Variants in MCM6 observed in about 807,000 individuals in gnomAD.
The protein encoded by MCM6 is DNA replication licensing factor MCM6.
In MCM6, 46 loss-of-function variants were observed where a neutral mutation model predicts 94.3. The ratio of observed to expected loss-of-function variants is 0.49; its 90% confidence interval spans 0.39 to 0.62. MCM6 has a LOEUF of 0.62. MCM6 is among the 20% of genes least tolerant of loss of function. The probability of loss-of-function intolerance (pLI) is 0.00; values close to 1 mark genes in which losing one functional copy is unlikely to be tolerated. For synonymous variants in MCM6, 335 were observed against 351.9 expected (o/e 0.95, Z 0.54); for missense variants, 865 against 1,017.9 (o/e 0.85, Z 2.04).
intron 2 of MCM6, 66 bp downstream of exon 2, chr2:135,872,631 C>T: frequency 6.6e-7 from 1 of 1,522,238 alleles, no homozygotes; most frequent in Non-Finnish European, 9.0e-7. Context: ...CACTTACAGT[C>T]CAAGAAGAGC....
chr2:135,862,050 T>G (rs1469482247), intron 8 of MCM6, among the ~76,000 whole-genome samples: 1 of 152,168 alleles, frequency 6.6e-6, no homozygotes, highest in African/African-American at 2.4e-5. Context: ...ATATCGGTAA[T>G]TATTATAATA....
In MCM6 at chr2:135,872,650, C is replaced by T. The variant is rs544690887; in HGVS notation, c.254+47G>A. 6.3e-5 allele frequency: 100 copies of T among 1,587,666 alleles called. No homozygotes were observed. The South Asian group carries it at 8.1e-4, about 13-fold the overall frequency. On this transcript the variant is annotated intron_variant, in intron 2 of 16. Coordinates refer to ENST00000264156, the MANE Select transcript of MCM6 (RefSeq NM_005915.6). ...TACAGTCCAAGAAGAGCTGGCTTCC[C>T]GGATTTCAACCCCTATTCAAAGTAA...
chr2:135,872,798 C>T lies in MCM6; in HGVS notation c.153G>A (p.Glu51=). 2 of 1,614,216 alleles carry T rather than the reference C, an allele frequency of 1.2e-6. No homozygotes were observed. Among genetic ancestry groups the T allele is most frequent in the South Asian group, 2.2e-5 (2 of 91,082 alleles). ...DGEIKYLQLA[E]ELIRPERNTL... ...TGTTTCTCTCAGGACGAATCAGTTC[C>T]TCTGCTAATTGCAAGTATTTAATTT... The change falls in exon 2 of 17, where the codon GAG becomes GAA. Residue 51 remains glutamate, a synonymous_variant. Transcript: ENST00000264156.
At chr2:135,870,788 C>G (rs890587179) in intron 2 of MCM6, among the ~76,000 whole-genome samples, 1 of 152,160 alleles carries the variant, frequency 6.6e-6, no homozygotes, top group Non-Finnish European at 1.5e-5. Flanking sequence ...ACTCTGTCAC[C>G]CAGACTGGAG....
intron 7 of MCM6, among the ~76,000 whole-genome samples, chr2:135,863,526 G>C (rs963121779): frequency 5.9e-5 from 9 of 151,990 alleles, no homozygotes; most frequent in Admixed American, 2.6e-4. Flanking sequence ...AGAGGTTTGA[G>C]ACCAGCCCAG....
At chr2:135,864,940 A>C in intron 7 of MCM6, 73 bp downstream of exon 7, 3 of 1,196,050 alleles carry the variant, frequency 2.5e-6, no homozygotes, top group Non-Finnish European at 2.2e-6. Flanking sequence ...ATGTGCTTTC[A>C]GAAATCACCT....
At chr2:135,874,625 C>T (rs997797159) in intron 1 of MCM6, among the ~76,000 whole-genome samples, 50 of 152,098 alleles carry the variant, frequency 3.3e-4, no homozygotes, top group Non-Finnish European at 4.1e-4. Context: ...GGTTGAGCAG[C>T]CCTCATCTGA....
chr2:135,855,427 AG>A (rs1357330973), intron 11 of MCM6, among the ~76,000 whole-genome samples: 1 of 152,204 alleles, frequency 6.6e-6, no homozygotes, highest in Non-Finnish European at 1.5e-5. Context: ...GCTATTCAGG[AG>A]GCTGAGGTGG....
In MCM6 at chr2:135,856,888, C is replaced by T. The variant is rs1679901279; in HGVS notation, c.1471-5G>A. 1 of 1,605,996 alleles carries T rather than the reference C, an allele frequency of 6.2e-7. No homozygotes were observed. On this transcript the variant is annotated splice_region_variant and splice_polypyrimidine_tract_variant and intron_variant, in intron 10 of 16. Transcript: ENST00000264156. ...CGTCCGGGCGTTCAGAGTAGCCTGA[C>T]CACAAAAGAAAGAATCTTAACAGAT...
Position 135,876,393 on chromosome 2 carries a change from C to A in MCM6, c.-28G>T. On this transcript the variant is annotated 5_prime_UTR_variant, in exon 1 of 17. Transcript: ENST00000264156. ...TTGCTTAGTGCCGAGGATTCGCCTGCGCCACGCTCGACCGCCACAAGTCGC... is the reference window on the plus strand; with the variant it reads ...TTGCTTAGTGCCGAGGATTCGCCTGAGCCACGCTCGACCGCCACAAGTCGC... The A allele has an allele frequency of 6.5e-7, 1 of 1,549,970 alleles. No homozygotes were observed. The highest frequency in any genetic ancestry group is 8.7e-7 in the Non-Finnish European group (1 of 1,148,414).
At chr2:135,860,430 A>G (rs1177503014) in intron 8 of MCM6, among the ~76,000 whole-genome samples, 1 of 152,192 alleles carries the variant, frequency 6.6e-6, no homozygotes, top group African/African-American at 2.4e-5. Context: ...CACCGCGCCC[A>G]GCTAAAACAT....
At chr2:135,872,629 G>A in intron 2 of MCM6, 68 bp downstream of exon 2, 1 of 1,503,138 alleles carries the variant, frequency 6.7e-7, no homozygotes, top group Non-Finnish European at 9.2e-7. Context: ...AACACTTACA[G>A]TCCAAGAAGA....
At position 135,860,182 on chromosome 2, in the gene MCM6, G is replaced by A. The variant is rs552954574; in HGVS notation, c.1221-740C>T. Among the ~76,000 whole-genome samples the A allele has an allele frequency of 2.1e-3, 321 of 152,004 alleles. 1 individual carries two copies. Among genetic ancestry groups the A allele is most frequent in the African/African-American group, 7.1e-3 (296 of 41,440 alleles). On this transcript the variant is annotated intron_variant, in intron 8 of 16. Coordinates refer to ENST00000264156, the MANE Select transcript of MCM6 (RefSeq NM_005915.6). ...GAGTCTTGCTCTGTCACCCAGGCTG[G>A]AGTGCAGTGGCTTGATCTTGGCTCA...
At chr2:135,850,573 G>C (rs1273739427) in intron 13 of MCM6, among the ~76,000 whole-genome samples, 6 of 152,084 alleles carry the variant, frequency 3.9e-5, no homozygotes, top group Non-Finnish European at 8.8e-5. Context: ...CAATAGTAAA[G>C]TACCATATCA....
chr2:135,869,996 T>C (rs751771640), intron 3 of MCM6, among the ~76,000 whole-genome samples: 7 of 152,122 alleles, frequency 4.6e-5, no homozygotes, highest in Non-Finnish European at 1.0e-4. Flanking sequence ...TGTTTTATAA[T>C]TATTGTGATT....
In MCM6 at chr2:135,870,292, C is replaced by T. The variant is rs553009731; in HGVS notation, c.324G>A (p.Lys108=). The change falls in exon 3 of 17, where the codon AAG becomes AAA. Residue 108 remains lysine, a synonymous_variant. Transcript: ENST00000264156. ...VKDRKEIPLA[K]DFYVAFQDLP... Reference sequence around the variant, plus strand: ...GGTCTTGGAATGCAACATAAAAATCCTTGGCAAGAGGGATCTCTTTACGGT... The same window carrying T: ...GGTCTTGGAATGCAACATAAAAATCTTTGGCAAGAGGGATCTCTTTACGGT... 3.7e-6 allele frequency: 6 copies of T among 1,613,770 alleles called. No individual in the cohort carries two copies. In the South Asian group the frequency reaches 5.5e-5, roughly 15 times the overall value.
chr2:135,870,051 G>A (rs1371392742), intron 3 of MCM6, among the ~76,000 whole-genome samples, 200 bp downstream of exon 3: 1 of 151,904 alleles, frequency 6.6e-6, no homozygotes, highest in Non-Finnish European at 1.5e-5. Flanking sequence ...CCTATTTTTT[G>A]CATGATTTAG....
At chr2:135,862,085 G>C (rs1680005788) in intron 8 of MCM6, among the ~76,000 whole-genome samples, 1 of 151,776 alleles carries the variant, frequency 6.6e-6, no homozygotes, top group Non-Finnish European at 1.5e-5. Flanking sequence ...ATTTAACAGG[G>C]CTAAGAAAAT....
At chr2:135,844,166 G>T (rs923937038) in intron 16 of MCM6, among the ~76,000 whole-genome samples, 31 of 151,902 alleles carry the variant, frequency 2.0e-4, no homozygotes, top group African/African-American at 7.5e-4. Context: ...GTTTCGCCAA[G>T]CAAGTAAGAT....
Sources: gnomAD v4.1 joint callset for allele counts (sites outside exome capture counted in the v4.1 genomes callset) on GRCh38, gnomAD v4.1.1 for gene constraint, MANE v1.5 for transcripts, NCBI Gene and HGNC (gene_info 2026-07-23, HGNC 2026-07-21) for gene names.